ZNF536: variants seen among roughly 807,000 people sequenced by gnomAD.
ZNF536 encodes the protein zinc finger protein 536.
A neutral mutation model predicts 84.5 loss-of-function variants in ZNF536; 13 were observed. That is an observed-to-expected ratio of 0.15 (90% confidence interval 0.10 to 0.24). The LOEUF (loss-of-function observed/expected upper bound fraction) is 0.24, where lower values mean the gene tolerates loss of function less well. ZNF536 is among the 10% of genes least tolerant of loss of function. The pLI, the probability that ZNF536 is intolerant of heterozygous loss-of-function variation, is 1.00. For synonymous variants in ZNF536, 811 were observed against 742.5 expected, an observed-to-expected ratio of 1.09 and a Z score of -1.50; for missense variants, 1,536 against 1,747.5, an observed-to-expected ratio of 0.88 and a Z score of 2.16.
At chr19:30,290,445 A>T (rs1054225200) in intron 2 of ZNF536, among the ~76,000 whole-genome samples, 5 of 152,064 alleles carry the variant, frequency 3.3e-5, no homozygotes, top group African/African-American at 4.8e-5. Context: ...TAATTTAAAA[A>T]TTTTTTTGTA....
chr19:30,576,208 G>C (rs1008342526), intron 1 of ZNF536, among the ~76,000 whole-genome samples: 1 of 152,234 alleles, frequency 6.6e-6, no homozygotes. Context: ...GCTGCTGGGC[G>C]TGGGGGACCC....
chr19:30,450,708 A>T (rs965109962), intron 2 of ZNF536, among the ~76,000 whole-genome samples: 1 of 152,244 alleles, frequency 6.6e-6, no homozygotes, highest in Non-Finnish European at 1.5e-5. Flanking sequence ...TGGGGATGAC[A>T]AATAGGCAAC....
At chr19:30,507,593 G>A (rs1383370419) in intron 2 of ZNF536, among the ~76,000 whole-genome samples, 1 of 152,122 alleles carries the variant, frequency 6.6e-6, no homozygotes, top group African/African-American at 2.4e-5. Context: ...GTTTTAAGGT[G>A]TAAAGAATAG....
intron 1 of ZNF536, among the ~76,000 whole-genome samples, chr19:30,564,325 G>A (rs2046276761): frequency 3.9e-5 from 6 of 151,942 alleles, no homozygotes; most frequent in Admixed American, 3.9e-4. Flanking sequence ...AAAGGAGAAG[G>A]TAAGAGAGAA....
At chr19:30,526,379 T>C (rs1399640903) in intron 2 of ZNF536, among the ~76,000 whole-genome samples, 1 of 152,144 alleles carries the variant, frequency 6.6e-6, no homozygotes, top group Non-Finnish European at 1.5e-5. Flanking sequence ...AGAGACCCCA[T>C]GGGTGGCCTA....
At chr19:30,612,403 C>T (rs1307401859) in intron 1 of ZNF536, among the ~76,000 whole-genome samples, 1 of 152,154 alleles carries the variant, frequency 6.6e-6, no homozygotes, top group African/African-American at 2.4e-5. Flanking sequence ...TTTGCGGGAC[C>T]ATCACCTCTT....
chr19:30,376,348 G>A (rs117436612), intron 1 of ZNF536, among the ~76,000 whole-genome samples: 2 of 152,108 alleles, frequency 1.3e-5, no homozygotes, highest in African/African-American at 4.8e-5. Flanking sequence ...GTTCCACCCC[G>A]CAGAGGGCGA....
intron 1 of ZNF536, among the ~76,000 whole-genome samples, chr19:30,262,954 CA>C (rs1475105644): frequency 2.0e-5 from 3 of 152,170 alleles, no homozygotes; most frequent in African/African-American, 7.2e-5. Flanking sequence ...CTGTGTAAGG[CA>C]GGGGTGCTAG....
intron 2 of ZNF536, among the ~76,000 whole-genome samples, chr19:30,525,907 A>C (rs2044553467): frequency 6.6e-6 from 1 of 152,126 alleles, no homozygotes; most frequent in Non-Finnish European, 1.5e-5. Context: ...GGACATATTG[A>C]GACACAGCTG....
chr19:30,264,712 A>G (rs1599948030), intron 1 of ZNF536, among the ~76,000 whole-genome samples: 1 of 152,100 alleles, frequency 6.6e-6, no homozygotes, highest in East Asian at 1.9e-4. Flanking sequence ...AGTTTAACAA[A>G]AGAGTCGCTA....
At chr19:30,694,800 C>T (rs565395138) in intron 1 of ZNF536, among the ~76,000 whole-genome samples, 92 of 152,262 alleles carry the variant, frequency 6.0e-4, no homozygotes, top group African/African-American at 2.2e-3. Flanking sequence ...CACTTGGCCC[C>T]CATGGGGGAG....
chr19:30,283,846 G>A lies in ZNF536; in HGVS notation c.-189-226G>A, dbSNP rs188043124. The stretch of plus-strand genomic sequence containing the variant: ...TAGAAGTTCTTTTTGTGCAGGTGGC[G>A]ATTTCCCACTGAAAACAAGCTGAGG... On this transcript the variant is annotated intron_variant, in intron 1 of 5. Transcript: ENST00000585628. Among the ~76,000 whole-genome samples, 81 of 152,228 alleles carry A rather than the reference G, an allele frequency of 5.3e-4. 1 individual carries two copies. In the East Asian group the frequency reaches 0.01, roughly 20 times the overall value.
chr19:30,466,580 A>AGAG (rs2053404582), intron 2 of ZNF536, among the ~76,000 whole-genome samples: 1 of 76,878 alleles, frequency 1.3e-5, no homozygotes, highest in African/African-American at 1.3e-4. Flanking sequence ...GAAAGAAAGA[A>AGAG]AGAAAGAGAG....
chr19:30,479,362 T>C (rs2053978080), intron 2 of ZNF536, among the ~76,000 whole-genome samples: 1 of 152,138 alleles, frequency 6.6e-6, no homozygotes, highest in African/African-American at 2.4e-5. Flanking sequence ...TTTGTCCAAA[T>C]TCCACCGGCT....
intron 1 of ZNF536, among the ~76,000 whole-genome samples, chr19:30,238,419 C>T (rs1396890995): frequency 1.6e-5 from 2 of 126,554 alleles, no homozygotes; most frequent in Non-Finnish European, 3.2e-5. Flanking sequence ...ATGTTAGTAC[C>T]ATGTATCTAG....
intron 1 of ZNF536, among the ~76,000 whole-genome samples, chr19:30,674,095 C>T (rs2050665821): frequency 6.6e-6 from 1 of 152,202 alleles, no homozygotes; most frequent in Non-Finnish European, 1.5e-5. Flanking sequence ...AAGCTCACAT[C>T]ACATCTCCAA....
At chr19:30,591,974 A>T (rs1392294727) in intron 1 of ZNF536, among the ~76,000 whole-genome samples, 7 of 152,208 alleles carry the variant, frequency 4.6e-5, no homozygotes, top group Admixed American at 4.6e-4. Flanking sequence ...ATTTATTTTC[A>T]TATTAAAATT....
chr19:30,681,788 C>A (rs1409879664), intron 1 of ZNF536, among the ~76,000 whole-genome samples: 2 of 152,192 alleles, frequency 1.3e-5, no homozygotes, highest in Non-Finnish European at 2.9e-5. Context: ...AGGTCCAGTT[C>A]CACCCTCTGG....
chr19:30,226,560 G>A (rs111390497), upstream of ZNF536, among the ~76,000 whole-genome samples: 1 of 152,118 alleles, frequency 6.6e-6, no homozygotes, highest in Admixed American at 6.5e-5. The surrounding 1 kb of genome is among the most constrained non-coding windows in gnomAD (Gnocchi z 4.6). Flanking sequence ...TGAGGTGCCA[G>A]GGTCCGAACC....
Sources: gnomAD v4.1 joint callset for allele counts (sites outside exome capture counted in the v4.1 genomes callset) on GRCh38, gnomAD v4.1.1 for gene constraint, Gnocchi (gnomAD v3.1) non-coding constraint, MANE v1.5 for transcripts, NCBI Gene and HGNC (gene_info 2026-07-23, HGNC 2026-07-21) for gene names.